SLC10A7: variants seen among roughly 807,000 people sequenced by gnomAD.
SLC10A7 encodes the protein solute carrier family 10 member 7.
In SLC10A7, 29 loss-of-function variants were observed where a neutral mutation model predicts 43.2. The ratio of observed to expected loss-of-function variants is 0.67; its 90% CI spans 0.50 to 0.92. SLC10A7 has a LOEUF of 0.92. SLC10A7 is among the 40% of genes least tolerant of loss of function. The pLI is 0.00. For missense variants in SLC10A7, 295 were observed against 403.2 expected (o/e 0.73, Z 2.30); for synonymous variants, 152 against 144.8 (o/e 1.05, Z -0.35).
chr4:146,319,402 C>T (rs1732541167), intron 6 of SLC10A7, among the ~76,000 whole-genome samples: 1 of 152,048 alleles, frequency 6.6e-6, no homozygotes, highest in Non-Finnish European at 1.5e-5. Flanking sequence ...CTGAACTTAA[C>T]CATCCTATTT....
At chr4:146,491,571 G>T (rs150088916) in intron 4 of SLC10A7, among the ~76,000 whole-genome samples, 75 of 151,954 alleles carry the variant, frequency 4.9e-4, no homozygotes, top group African/African-American at 1.8e-3. Context: ...GCGAGGGAAA[G>T]AAAGAAGAAA....
At chr4:146,305,556 C>G (rs566412177) in intron 7 of SLC10A7, among the ~76,000 whole-genome samples, 2 of 144,126 alleles carry the variant, frequency 1.4e-5, no homozygotes, top group African/African-American at 5.2e-5. Context: ...CACATGTACC[C>G]TAAAACTTAA....
Position 146,517,019 on chromosome 4 carries a change from G to A in SLC10A7, c.183+19C>T. Reference sequence around the variant, plus strand: ...AAATTTTTCTCCCTGCTTTTCATGTGTCCCATAGATGACAGTACCTCTGTT... The same window carrying A: ...AAATTTTTCTCCCTGCTTTTCATGTATCCCATAGATGACAGTACCTCTGTT... On this transcript the variant is annotated intron_variant, in intron 2 of 11. Transcript: ENST00000335472. The A allele has an allele frequency of 6.5e-7, 1 of 1,550,002 alleles. No individual in the cohort carries two copies. Among genetic ancestry groups the A allele is most frequent in the East Asian group, 2.3e-5 (1 of 43,920 alleles).
At chr4:146,478,645 A>G (rs1195535098) in intron 4 of SLC10A7, among the ~76,000 whole-genome samples, 1 of 152,246 alleles carries the variant, frequency 6.6e-6, no homozygotes, top group East Asian at 1.9e-4. Context: ...ATTGTGGGAC[A>G]ATGTCTAAGA....
intron 5 of SLC10A7, among the ~76,000 whole-genome samples, chr4:146,367,118 T>G (rs1343663037): frequency 6.6e-6 from 1 of 152,176 alleles, no homozygotes; most frequent in South Asian, 2.1e-4. Flanking sequence ...CTGTTAGATA[T>G]CATAACAGTA....
intron 11 of SLC10A7, chr4:146,257,000 A>T (rs533300726): frequency 9.1e-7 from 1 of 1,100,968 alleles, no homozygotes; most frequent in African/African-American, 1.6e-5. Context: ...TGCTTCTGTT[A>T]TTCTACAGAA....
intron 5 of SLC10A7, among the ~76,000 whole-genome samples, chr4:146,338,348 A>G (rs187509457): frequency 1.3e-5 from 2 of 152,008 alleles, no homozygotes; most frequent in Non-Finnish European, 2.9e-5. Flanking sequence ...CAACAAACCT[A>G]TGAGAAAGCT....
chr4:146,272,611 G>T (rs1052796667), intron 10 of SLC10A7, among the ~76,000 whole-genome samples: 1 of 152,144 alleles, frequency 6.6e-6, no homozygotes, highest in Non-Finnish European at 1.5e-5. Flanking sequence ...TCTAGGAAGA[G>T]ACATGACCAA....
chr4:146,285,875 G>C (rs1052925608), intron 9 of SLC10A7, among the ~76,000 whole-genome samples: 3 of 151,264 alleles, frequency 2.0e-5, no homozygotes, highest in Non-Finnish European at 4.4e-5. Flanking sequence ...ACTGAACTTG[G>C]AGAGGTGAGA....
chr4:146,444,524 A>G (rs1009000901), intron 4 of SLC10A7, among the ~76,000 whole-genome samples: 2 of 152,230 alleles, frequency 1.3e-5, no homozygotes, highest in Non-Finnish European at 2.9e-5. Flanking sequence ...AAATAACTAT[A>G]TGAGTATATA....
chr4:146,492,457 T>C (rs1735547663), intron 4 of SLC10A7, among the ~76,000 whole-genome samples: 1 of 152,118 alleles, frequency 6.6e-6, no homozygotes, highest in African/African-American at 2.4e-5. Flanking sequence ...AACCTCCACC[T>C]GCCAGGCACA....
intron 5 of SLC10A7, among the ~76,000 whole-genome samples, chr4:146,432,231 T>G (rs1419590293): frequency 2.0e-5 from 3 of 152,174 alleles, no homozygotes; most frequent in Non-Finnish European, 4.4e-5. Flanking sequence ...TTTGGTGGTT[T>G]CTTATAATGT....
At chr4:146,388,212 T>C (rs1037296455) in intron 5 of SLC10A7, among the ~76,000 whole-genome samples, 5 of 152,090 alleles carry the variant, frequency 3.3e-5, no homozygotes, top group Admixed American at 1.3e-4. Flanking sequence ...ATGGTATTGG[T>C]ATAAAAACAG....
intron 4 of SLC10A7, among the ~76,000 whole-genome samples, chr4:146,461,774 A>T (rs1028066370): frequency 7.6e-5 from 11 of 144,654 alleles, no homozygotes; most frequent in African/African-American, 2.8e-4. Flanking sequence ...CAATGAGAAG[A>T]AAAAAAAAAA....
At chr4:146,339,755 A>T (rs1471609397) in intron 5 of SLC10A7, among the ~76,000 whole-genome samples, 1 of 149,226 alleles carries the variant, frequency 6.7e-6, no homozygotes, top group Non-Finnish European at 1.5e-5. Flanking sequence ...ATTTTTTCTC[A>T]TATCCTCACT....
At chr4:146,517,773 C>A (rs1440884979) in intron 1 of SLC10A7, among the ~76,000 whole-genome samples, 3 of 152,030 alleles carry the variant, frequency 2.0e-5, no homozygotes, top group Non-Finnish European at 4.4e-5. Context: ...TACCCCCGAG[C>A]CCAAAGAAGG....
At chr4:146,259,134 TG>T (rs1403309755) in intron 10 of SLC10A7, among the ~76,000 whole-genome samples, 2 of 152,166 alleles carry the variant, frequency 1.3e-5, no homozygotes, top group African/African-American at 4.8e-5. Context: ...TTGCGTGTGA[TG>T]GAGTTGCTTT....
At chr4:146,491,988 C>T (rs1421323204) in intron 4 of SLC10A7, among the ~76,000 whole-genome samples, 3 of 152,054 alleles carry the variant, frequency 2.0e-5, no homozygotes, top group Non-Finnish European at 4.4e-5. Flanking sequence ...GAGGCTGAGG[C>T]GGGCGGATCA....
intron 4 of SLC10A7, among the ~76,000 whole-genome samples, chr4:146,464,091 C>A (rs931278308): frequency 2.6e-5 from 4 of 151,784 alleles, no homozygotes; most frequent in African/African-American, 9.7e-5. Context: ...TCCCAGAATG[C>A]TGGGATTATA....
Sources: allele counts gnomAD v4.1 joint callset (sites outside exome capture counted in the v4.1 genomes callset), GRCh38; gene constraint gnomAD v4.1.1; transcripts MANE v1.5; gene names NCBI Gene and HGNC (gene_info 2026-07-23, HGNC 2026-07-21).